The following SOX6 variants were observed in gnomAD, a reference collection of about 807,000 sequenced individuals.
SOX6 encodes transcription factor SOX-6.
A neutral mutation model predicts 97.8 loss-of-function variants in SOX6; 11 were observed. The ratio of observed to expected loss-of-function variants is 0.11; its 90% CI spans 0.07 to 0.19. The LOEUF is 0.19. SOX6 is among the 10% of genes least tolerant of loss of function. SOX6 has a pLI of 1.00. For synonymous variants in SOX6, 360 were observed against 371.4 expected (o/e 0.97, Z 0.35); for missense variants, 810 against 1,039.5 (o/e 0.78, Z 3.04).
At chr11:16,296,959 G>A (rs527852712) in intron 3 of SOX6, among the ~76,000 whole-genome samples, 6 of 151,910 alleles carry the variant, frequency 3.9e-5, no homozygotes, top group South Asian at 2.1e-4. Flanking sequence ...GACTGTCTTC[G>A]AATTTAAAAT....
intron 4 of SOX6, among the ~76,000 whole-genome samples, chr11:16,219,091 C>T (rs1053630844): frequency 5.3e-5 from 8 of 152,006 alleles, no homozygotes; most frequent in African/African-American, 1.2e-4. Context: ...GACCTTTACT[C>T]GGTTATTTCT....
intron 1 of SOX6, among the ~76,000 whole-genome samples, chr11:16,417,433 C>T (rs1858945588): frequency 6.6e-6 from 1 of 152,106 alleles, no homozygotes. Context: ...CATTTACAAC[C>T]CCTCAGCCAG....
chr11:16,540,036 A>G (rs1297494417), intron 4 of SOX6, among the ~76,000 whole-genome samples: 1 of 152,218 alleles, frequency 6.6e-6, no homozygotes, highest in African/African-American at 2.4e-5. Flanking sequence ...ATTTTAGACC[A>G]ATATCCTTGA....
intron 4 of SOX6, among the ~76,000 whole-genome samples, chr11:16,505,844 C>T (rs1192276395): frequency 6.6e-6 from 1 of 152,180 alleles, no homozygotes; most frequent in Non-Finnish European, 1.5e-5. Context: ...AGGGTGCAAG[C>T]TGGGAGCCAC....
intron 3 of SOX6, among the ~76,000 whole-genome samples, chr11:16,259,735 G>A (rs1376606926): frequency 6.6e-6 from 1 of 152,118 alleles, no homozygotes; most frequent in Non-Finnish European, 1.5e-5. Context: ...GGTAATAAGA[G>A]TGAGAATAGT....
chr11:16,098,836 C>A (rs1030471270), intron 7 of SOX6, among the ~76,000 whole-genome samples: 1 of 151,746 alleles, frequency 6.6e-6, no homozygotes, highest in Non-Finnish European at 1.5e-5. Flanking sequence ...TAAAGGCAGT[C>A]AACTGGAAAG....
At chr11:16,403,494 T>C (rs1346524997) in intron 1 of SOX6, among the ~76,000 whole-genome samples, 1 of 151,774 alleles carries the variant, frequency 6.6e-6, no homozygotes, top group African/African-American at 2.4e-5. Context: ...TAAAAAGTCC[T>C]ATTTATTGAA....
chr11:16,227,962 C>T (rs183256399), intron 4 of SOX6, among the ~76,000 whole-genome samples: 1 of 152,208 alleles, frequency 6.6e-6, no homozygotes, highest in Non-Finnish European at 1.5e-5. Context: ...CTTTGGGAGG[C>T]CAAGGCAGGC....
At chr11:16,729,868 G>A (rs1219339027) in intron 2 of SOX6, among the ~76,000 whole-genome samples, 2 of 152,032 alleles carry the variant, frequency 1.3e-5, no homozygotes, top group Non-Finnish European at 2.9e-5. Context: ...TAAAGGGATA[G>A]AGGAATATTT....
intron 3 of SOX6, chr11:16,311,764 T>A (rs1855609149): frequency 6.6e-6 from 1 of 152,190 alleles, no homozygotes; most frequent in East Asian, 1.9e-4. Context: ...CTCAAAGACA[T>A]GACTTTTAAA....
intron 4 of SOX6, among the ~76,000 whole-genome samples, chr11:16,593,334 T>C (rs916829480): frequency 6.6e-6 from 1 of 152,172 alleles, no homozygotes; most frequent in African/African-American, 2.4e-5. Context: ...GGAATACTCT[T>C]TATAAACAGG....
At chr11:16,045,620 G>A (rs1182106621) in intron 12 of SOX6, among the ~76,000 whole-genome samples, 1 of 152,128 alleles carries the variant, frequency 6.6e-6, no homozygotes, top group African/African-American at 2.4e-5. Context: ...ATCCCCGGCT[G>A]TGTCGTCTCT....
intron 3 of SOX6, among the ~76,000 whole-genome samples, chr11:16,669,219 G>A (rs1379307606): frequency 6.6e-6 from 1 of 151,858 alleles, no homozygotes; most frequent in African/African-American, 2.4e-5. Context: ...TGGAATAAAA[G>A]GAAATCAATA....
chr11:16,176,980 G>T (rs904372235), intron 6 of SOX6, among the ~76,000 whole-genome samples: 1 of 151,788 alleles, frequency 6.6e-6, no homozygotes, highest in Admixed American at 6.6e-5. Flanking sequence ...ATGCCCAAAG[G>T]TTTTATATAT....
intron 6 of SOX6, among the ~76,000 whole-genome samples, 177 bp from the exon 7 acceptor site, chr11:16,112,100 CTA>C (rs1321540875): frequency 2.0e-5 from 3 of 152,164 alleles, no homozygotes; most frequent in African/African-American, 7.2e-5. Context: ...TTCTGAGATG[CTA>C]ATAGCATACC....
intron 3 of SOX6, among the ~76,000 whole-genome samples, chr11:16,630,582 G>T (rs1328804660): frequency 6.6e-6 from 1 of 152,052 alleles, no homozygotes; most frequent in Non-Finnish European, 1.5e-5. Flanking sequence ...TGGGTGGATT[G>T]TTCTGTAGAT....
intron 3 of SOX6, among the ~76,000 whole-genome samples, chr11:16,635,623 A>G (rs781494240): frequency 6.6e-6 from 1 of 152,190 alleles, no homozygotes; most frequent in Non-Finnish European, 1.5e-5. Context: ...AGTAAGAAGG[A>G]GCCAAATGCT....
At chr11:16,572,119 AT>A (rs1847945736) in intron 4 of SOX6, among the ~76,000 whole-genome samples, 1 of 151,732 alleles carries the variant, frequency 6.6e-6, no homozygotes, top group African/African-American at 2.4e-5. Flanking sequence ...ATTGTTTAAA[AT>A]AAATGTGTCA....
chr11:16,365,121 G>A (rs1185033796), intron 1 of SOX6, among the ~76,000 whole-genome samples: 1 of 151,938 alleles, frequency 6.6e-6, no homozygotes, highest in Non-Finnish European at 1.5e-5. Context: ...CCATTTTATT[G>A]TTGTTGTTCA....
Sources: gnomAD v4.1 joint callset for allele counts (sites outside exome capture counted in the v4.1 genomes callset) on GRCh38, gnomAD v4.1.1 for gene constraint, MANE v1.5 for transcripts, NCBI Gene and HGNC (gene_info 2026-07-23, HGNC 2026-07-21) for gene names.